Variants in PDE7B observed in about 807,000 individuals in gnomAD.
PDE7B encodes the protein phosphodiesterase 7B.
In PDE7B, 29 loss-of-function variants were observed where a neutral mutation model predicts 56.2. The observed-to-expected ratio is 0.52, with a 90% confidence interval of 0.38 to 0.70. PDE7B has a LOEUF of 0.70. Ranked by LOEUF, PDE7B falls within the 30% of genes least tolerant of loss-of-function variation. The pLI is 0.00. For synonymous variants in PDE7B, 197 were observed against 196.9 expected (o/e 1.00, Z 0.00); for missense variants, 490 against 565.0 (o/e 0.87, Z 1.35).
At chr6:135,917,341 T>C (rs1290352643) in intron 1 of PDE7B, among the ~76,000 whole-genome samples, 1 of 152,084 alleles carries the variant, frequency 6.6e-6, no homozygotes, top group Non-Finnish European at 1.5e-5. Context: ...ATTTTCCACG[T>C]CACTTATTTT....
intron 8 of PDE7B, among the ~76,000 whole-genome samples, chr6:136,173,511 T>A (rs1425539158): frequency 2.0e-5 from 3 of 152,152 alleles, no homozygotes; most frequent in Non-Finnish European, 2.9e-5. Context: ...GACTGAGCTA[T>A]TGGAAGAGGG....
At chr6:135,903,267 A>G (rs1170973111) in intron 1 of PDE7B, among the ~76,000 whole-genome samples, 3 of 152,218 alleles carry the variant, frequency 2.0e-5, no homozygotes, top group Non-Finnish European at 4.4e-5. Context: ...CAAAGGTTGT[A>G]TCAGTGGCAT....
chr6:135,885,300 GT>G (rs1775684601), intron 1 of PDE7B, among the ~76,000 whole-genome samples: 2 of 148,660 alleles, frequency 1.3e-5, no homozygotes, highest in Non-Finnish European at 3.0e-5. Context: ...TTGTTTGTTT[GT>G]TTGTTTTTTG....
chr6:135,966,578 G>A (rs562987363), intron 2 of PDE7B, among the ~76,000 whole-genome samples: 10 of 152,222 alleles, frequency 6.6e-5, no homozygotes, highest in South Asian at 2.1e-4. Flanking sequence ...CTAGGGTTGC[G>A]ATGTGGCAGC....
chr6:135,864,266 T>C (rs931279727), intron 1 of PDE7B, among the ~76,000 whole-genome samples: 3 of 152,120 alleles, frequency 2.0e-5, no homozygotes, highest in African/African-American at 7.2e-5. Flanking sequence ...TATTGTTAGG[T>C]ATTTAACTTT....
Position 136,144,942 on chromosome 6 carries a change from C to T in PDE7B, c.167-2409C>T, listed in dbSNP as rs550974313. 7.2e-5 allele frequency among the ~76,000 whole-genome samples: 11 copies of T among 152,228 alleles called. No homozygotes were observed. In the East Asian group the frequency reaches 2.1e-3, roughly 29 times the overall value. ...AAGATGATGCCCCCTCCACATTTTT[C>T]CACTAAAAACTACCCATTTTTTTCT... On this transcript the variant is annotated intron_variant, in intron 3 of 12. Transcript: ENST00000308191.
chr6:135,947,468 G>C lies in PDE7B; in HGVS notation c.26G>C (p.Cys9Ser), dbSNP rs1017559398. 1.6e-5 allele frequency: 26 copies of C among 1,610,666 alleles called. No homozygotes were observed. Among genetic ancestry groups the C allele is most frequent in the Non-Finnish European group, 2.0e-5 (23 of 1,177,158 alleles). ...TTGGCTATCTTTCTATTTCAGAGGT[G>C]TGGCGAAATCTTGTTTGAGAACCCC... MSCLMVER[C>S]GEILFENPDQ... Residue 9 changes from cysteine to serine, a missense_variant, in exon 2 of 13, where the codon TGT (cysteine) becomes TCT (serine). Physicochemically the swap from Cys to Ser is moderately radical, Grantham distance 112. Transcript: ENST00000308191.
At chr6:136,174,212 G>T (rs1440400369) in intron 9 of PDE7B, among the ~76,000 whole-genome samples, 1 of 152,116 alleles carries the variant, frequency 6.6e-6, no homozygotes, top group Non-Finnish European at 1.5e-5. Context: ...TAGCAAAATT[G>T]TCCTTCCATG....
chr6:136,149,061 G>A (rs368677596), intron 4 of PDE7B, 26 bp from the exon 5 acceptor site: 8 of 1,545,690 alleles, frequency 5.2e-6, no homozygotes, highest in Admixed American at 1.7e-5. Context: ...ATTCATTTGC[G>A]TGCTGTTTTT....
At chr6:136,082,083 C>T (rs1025889212) in intron 2 of PDE7B, among the ~76,000 whole-genome samples, 11 of 152,134 alleles carry the variant, frequency 7.2e-5, no homozygotes, top group Admixed American at 2.0e-4. Flanking sequence ...CATTTATTTA[C>T]GGCTTTGAGC....
At chr6:135,950,199 C>T (rs1007517072) in intron 2 of PDE7B, among the ~76,000 whole-genome samples, 8 of 152,036 alleles carry the variant, frequency 5.3e-5, no homozygotes, top group Non-Finnish European at 8.8e-5. Flanking sequence ...ATTATGAGCA[C>T]GTAAGTCCCT....
In PDE7B at chr6:135,864,974, A is replaced by AT. The variant is rs897166348; in HGVS notation, c.21+12956dup. On this transcript the variant is annotated intron_variant, in intron 1 of 12. Transcript: ENST00000308191. ...ACCCCACAACAGGCCCTGGTGTGTG[A>AT]TGTCCCCCTCCTGCATCCAAGTGTT... Among the ~76,000 whole-genome samples the AT allele has an allele frequency of 2.5e-5, 3 of 119,712 alleles. No individual in the cohort carries two copies. In the Admixed American group the frequency reaches 3.4e-4, roughly 14 times the overall value. 78.5% of individuals were successfully genotyped at this position (119,712 alleles called of 152,430 possible). A position where few individuals can be genotyped will look rare whatever the true frequency, so the allele number is the denominator to read the frequency against.
intron 3 of PDE7B, among the ~76,000 whole-genome samples, chr6:136,124,037 A>C (rs1271200250): frequency 6.6e-6 from 1 of 152,186 alleles, no homozygotes; most frequent in Non-Finnish European, 1.5e-5. Context: ...TCTATTGAAC[A>C]GTTCTCACCA....
intron 8 of PDE7B, among the ~76,000 whole-genome samples, chr6:136,167,626 G>A (rs868239907): frequency 1.3e-5 from 2 of 152,150 alleles, no homozygotes; most frequent in African/African-American, 2.4e-5. Flanking sequence ...TTTATCAGTA[G>A]CATGAAAACG....
At chr6:136,098,285 A>G (rs535132605) in intron 2 of PDE7B, among the ~76,000 whole-genome samples, 4 of 152,218 alleles carry the variant, frequency 2.6e-5, no homozygotes, top group African/African-American at 9.6e-5. Flanking sequence ...ATGGAGAGGT[A>G]GTACACTCAT....
chr6:135,992,245 G>A (rs1450233089), intron 2 of PDE7B, among the ~76,000 whole-genome samples: 1 of 151,446 alleles, frequency 6.6e-6, no homozygotes, highest in Non-Finnish European at 1.5e-5. Flanking sequence ...ATCTCATAAT[G>A]TTTTAAGAAA....
intron 8 of PDE7B, 29 bp downstream of exon 8, chr6:136,155,787 C>T: frequency 6.2e-7 from 1 of 1,611,978 alleles, no homozygotes. Flanking sequence ...GAGCCAGCCA[C>T]AGTATGGTCA....
At chr6:136,000,032 G>A (rs1203681962) in intron 2 of PDE7B, among the ~76,000 whole-genome samples, 1 of 151,908 alleles carries the variant, frequency 6.6e-6, no homozygotes, top group African/African-American at 2.4e-5. Flanking sequence ...AAGCTTTTTG[G>A]CCACATGTAT....
chr6:136,106,684 G>T (rs1777649505), intron 2 of PDE7B, among the ~76,000 whole-genome samples: 1 of 152,154 alleles, frequency 6.6e-6, no homozygotes, highest in Non-Finnish European at 1.5e-5. Flanking sequence ...TCCTCACAGG[G>T]TTATTATGAA....
Sources: gnomAD v4.1 joint callset for allele counts (sites outside exome capture counted in the v4.1 genomes callset) on GRCh38, gnomAD v4.1.1 for gene constraint, MANE v1.5 for transcripts, NCBI Gene and HGNC (gene_info 2026-07-23, HGNC 2026-07-21) for gene names.